The following CPM variants were observed in gnomAD, a reference collection of about 807,000 sequenced individuals.
CPM encodes renal carboxypeptidase.
Under a neutral mutation model 46.4 loss-of-function variants are expected in CPM, and 35 were observed. That is an observed-to-expected ratio of 0.75 (90% CI 0.58 to 1.00). CPM has a LOEUF of 1.00. CPM is among the 50% of genes least tolerant of loss of function. CPM has a pLI of 0.00. For synonymous variants in CPM, 195 were observed against 195.3 expected (o/e 1.00, Z 0.01); for missense variants, 422 against 530.4 (o/e 0.80, Z 2.01).
At chr12:68,901,305 G>A (rs190134015) in intron 2 of CPM, among the ~76,000 whole-genome samples, 13 of 152,300 alleles carry the variant, frequency 8.5e-5, no homozygotes, top group East Asian at 1.9e-4. Flanking sequence ...CGGCTCCTGC[G>A]GCTTGTAAGG....
At chr12:68,894,436 C>T (rs1281205316) in intron 2 of CPM, among the ~76,000 whole-genome samples, 4 of 152,156 alleles carry the variant, frequency 2.6e-5, no homozygotes, top group African/African-American at 9.7e-5. Context: ...CAGGGTCCTC[C>T]ATCACCTGCC....
At chr12:68,845,256 T>A (rs1884191570) in intron 5 of CPM, 1 of 215,340 alleles carries the variant, frequency 4.6e-6, no homozygotes, top group East Asian at 6.9e-5. Flanking sequence ...AAGTTTGTGA[T>A]CATATTGTCT....
At chr12:68,924,160 A>C (rs1457868181) in intron 2 of CPM, among the ~76,000 whole-genome samples, 2 of 151,574 alleles carry the variant, frequency 1.3e-5, no homozygotes, top group Admixed American at 1.3e-4. Context: ...AAAAAAAAAA[A>C]AAAAAAAAAC....
upstream of CPM, among the ~76,000 whole-genome samples, chr12:68,938,104 C>T (rs375533539): frequency 5.9e-5 from 9 of 152,120 alleles, no homozygotes; most frequent in African/African-American, 1.9e-4. Context: ...GGCTAAGTAC[C>T]TCAATAGATG....
chr12:68,885,746 G>C, intron 3 of CPM, 46 bp downstream of exon 3: 1 of 1,477,578 alleles, frequency 6.8e-7, no homozygotes, highest in Non-Finnish European at 9.4e-7. Context: ...AGACCCTAGG[G>C]GAAGCTTCTC....
intron 6 of CPM, among the ~76,000 whole-genome samples, chr12:68,867,745 G>T (rs1885516325): frequency 6.6e-6 from 1 of 152,210 alleles, no homozygotes; most frequent in Non-Finnish European, 1.5e-5. Flanking sequence ...CTGCCTCTCA[G>T]AGGTGAACGG....
At chr12:68,859,669 T>A (rs1394385165) in intron 7 of CPM, among the ~76,000 whole-genome samples, 9 of 152,174 alleles carry the variant, frequency 5.9e-5, no homozygotes, top group African/African-American at 2.2e-4. Context: ...CAGCTCTGTG[T>A]CATCAATTAT....
chr12:68,866,050 A>G (rs936861708), intron 7 of CPM, among the ~76,000 whole-genome samples: 15 of 152,192 alleles, frequency 9.9e-5, no homozygotes, highest in African/African-American at 3.6e-4. Flanking sequence ...AGCCTTCAGC[A>G]AACAGGCTGG....
At chr12:68,952,900 CAG>C (rs1422851982) in intron 1 of CPM, among the ~76,000 whole-genome samples, 2 of 152,282 alleles carry the variant, frequency 1.3e-5, no homozygotes, top group East Asian at 3.9e-4. Context: ...CCTGTGCCTA[CAG>C]GTGGATCTGG....
chr12:68,906,612 C>T (rs1887361029), intron 2 of CPM, among the ~76,000 whole-genome samples: 1 of 152,114 alleles, frequency 6.6e-6, no homozygotes, highest in South Asian at 2.1e-4. Context: ...GCCTCAGCCT[C>T]CCGAGTACCT....
At chr12:68,886,579 C>A (rs2094451127) in intron 2 of CPM, among the ~76,000 whole-genome samples, 1 of 152,170 alleles carries the variant, frequency 6.6e-6, no homozygotes. Context: ...TTGCAGTGAG[C>A]CAAGATCGCG....
At chr12:68,948,378 C>CA (rs1888880880) in intron 1 of CPM, among the ~76,000 whole-genome samples, 1 of 152,116 alleles carries the variant, frequency 6.6e-6, no homozygotes, top group African/African-American at 2.4e-5. Flanking sequence ...GAATTTTTGA[C>CA]ATGAGAGACT....
chr12:68,945,447 G>A (rs1370067558), intron 1 of CPM, among the ~76,000 whole-genome samples: 2 of 152,184 alleles, frequency 1.3e-5, no homozygotes, highest in Non-Finnish European at 2.9e-5. Context: ...CCTCAATCCT[G>A]AGGTGTGAGC....
At chr12:68,918,310 C>T (rs1052396467) in intron 2 of CPM, among the ~76,000 whole-genome samples, 1 of 152,068 alleles carries the variant, frequency 6.6e-6, no homozygotes, top group Non-Finnish European at 1.5e-5. Flanking sequence ...TTTTATTAGT[C>T]CTGCAGGTTT....
At chr12:68,961,991 C>G (rs865901335) in intron 1 of CPM, among the ~76,000 whole-genome samples, 23 of 151,940 alleles carry the variant, frequency 1.5e-4, no homozygotes, top group South Asian at 8.3e-4. Flanking sequence ...ACGAGGTCAG[C>G]AGGTCGAGAC....
At chr12:68,897,550 A>G (rs1267518237) in intron 2 of CPM, among the ~76,000 whole-genome samples, 2 of 152,096 alleles carry the variant, frequency 1.3e-5, no homozygotes, top group Admixed American at 6.5e-5. Context: ...AGCCTGGCCA[A>G]TATGGGGAAA....
At chr12:68,924,539 G>T (rs969638086) in intron 2 of CPM, among the ~76,000 whole-genome samples, 5 of 151,518 alleles carry the variant, frequency 3.3e-5, no homozygotes, top group African/African-American at 1.2e-4. Flanking sequence ...TAAGAATAAG[G>T]CTGATAGCTG....
intron 2 of CPM, among the ~76,000 whole-genome samples, chr12:68,926,629 G>A (rs974690601): frequency 2.0e-4 from 30 of 152,110 alleles, no homozygotes; most frequent in African/African-American, 7.0e-4. Flanking sequence ...AGTTACATAT[G>A]TATACATGTG....
At chr12:68,926,083 A>AT (rs1565801077) in intron 2 of CPM, among the ~76,000 whole-genome samples, 1 of 151,790 alleles carries the variant, frequency 6.6e-6, no homozygotes, top group Non-Finnish European at 1.5e-5. Flanking sequence ...TGCGCAGCTA[A>AT]TTTTTTGTAT....
Sources: allele counts gnomAD v4.1 joint callset (sites outside exome capture counted in the v4.1 genomes callset), GRCh38; gene constraint gnomAD v4.1.1; transcripts MANE v1.5; gene names NCBI Gene and HGNC (gene_info 2026-07-23, HGNC 2026-07-21).